The following C18orf63 variants were observed in gnomAD, a reference collection of about 807,000 sequenced individuals.
C18orf63 encodes the protein uncharacterized protein C18orf63.
Under a neutral mutation model 75.3 loss-of-function variants are expected in C18orf63, and 50 were observed. The observed-to-expected ratio is 0.66, with a 90% CI of 0.53 to 0.84. The LOEUF (loss-of-function observed/expected upper bound fraction) is 0.84, where lower values mean the gene tolerates loss of function less well. Ranked by LOEUF, C18orf63 falls within the 40% of genes least tolerant of loss-of-function variation. The pLI, the probability that C18orf63 is intolerant of heterozygous loss-of-function variation, is 0.00. For synonymous variants in C18orf63, 232 were observed against 267.6 expected (o/e 0.87, Z 1.30); for missense variants, 732 against 800.2 (o/e 0.91, Z 1.03).
chr18:74,341,674 G>A (rs933353861), intron 8 of C18orf63, among the ~76,000 whole-genome samples: 1 of 151,910 alleles, frequency 6.6e-6, no homozygotes, highest in African/African-American at 2.4e-5. Context: ...GCAACAGAGC[G>A]AGACACTGTC....
chr18:74,321,937 A>T (rs141961572), intron 3 of C18orf63, among the ~76,000 whole-genome samples: 1 of 152,210 alleles, frequency 6.6e-6, no homozygotes, highest in South Asian at 2.1e-4. Context: ...ATATCTTTCC[A>T]TGTCAGTACA....
rs1984811804 is a variant in C18orf63, at chr18:74,358,677, C to A, written c.*2230C>A. On this transcript the variant is annotated 3_prime_UTR_variant, in exon 14 of 14. Transcript: ENST00000579455. Reference sequence around the variant, plus strand: ...TTTTAGAACCATTTTAATTTTAAAACCATAAGAAAATAATTTTATGTTTGC... The same window carrying A: ...TTTTAGAACCATTTTAATTTTAAAAACATAAGAAAATAATTTTATGTTTGC... 2 of 152,074 alleles carry A rather than the reference C, an allele frequency of 1.3e-5. No homozygotes were observed. Among genetic ancestry groups the A allele is most frequent in the South Asian group, 4.1e-4 (2 of 4,822 alleles). 9.4% of individuals were successfully genotyped at this position (152,074 alleles called of 1,614,324 possible).
At chr18:74,319,678 T>C (rs17806521) in intron 2 of C18orf63, among the ~76,000 whole-genome samples, 5,555 of 152,252 alleles carry the variant, frequency 0.036, 198 homozygotes, top group East Asian at 0.19. Flanking sequence ...AATGTTTAAG[T>C]GGTTGGTAAC....
chr18:74,356,035 T>C (rs1054642706), intron 13 of C18orf63, among the ~76,000 whole-genome samples: 2 of 151,890 alleles, frequency 1.3e-5, no homozygotes, highest in Non-Finnish European at 2.9e-5. Context: ...CCAGCCTGAA[T>C]GACAAAGTGA....
At chr18:74,340,050 T>A (rs1984454038) in intron 8 of C18orf63, among the ~76,000 whole-genome samples, 1 of 152,120 alleles carries the variant, frequency 6.6e-6, no homozygotes, top group African/African-American at 2.4e-5. Context: ...AAGGAAACAG[T>A]CAACAGAGTG....
chr18:74,352,522 A>T (rs758383307), intron 11 of C18orf63, among the ~76,000 whole-genome samples: 3 of 152,184 alleles, frequency 2.0e-5, no homozygotes, highest in Non-Finnish European at 4.4e-5. Flanking sequence ...CTGAATTGCT[A>T]CCACGTACCA....
chr18:74,350,079 G>T (rs912595010), intron 11 of C18orf63, among the ~76,000 whole-genome samples: 4 of 152,160 alleles, frequency 2.6e-5, no homozygotes, highest in African/African-American at 9.7e-5. Context: ...TGTGGGGTGT[G>T]GGGGTAGGAG....
intron 11 of C18orf63, among the ~76,000 whole-genome samples, chr18:74,351,019 A>G (rs534062065): frequency 1.3e-5 from 2 of 152,290 alleles, no homozygotes; most frequent in South Asian, 4.1e-4. Context: ...TGTTGCTTAT[A>G]AACTACCTAC....
At chr18:74,332,208 C>T (rs891822178) in intron 7 of C18orf63, among the ~76,000 whole-genome samples, 9 of 152,150 alleles carry the variant, frequency 5.9e-5, no homozygotes, top group Admixed American at 5.9e-4. Flanking sequence ...CTTTCAGGGT[C>T]TCTCTGCTGA....
Position 74,346,230 on chromosome 18 carries a change from C to G in C18orf63, c.978+2528C>G, listed in dbSNP as rs192805749. On this transcript the variant is annotated intron_variant, in intron 11 of 13. Coordinates refer to ENST00000579455, the MANE Select transcript of C18orf63 (RefSeq NM_001174123.2). ...ATGGGAATTTTCTAGCTATCTTTTT[C>G]TTATGTTTCTGGCTTAAATACATTA... is the stretch of plus-strand genomic sequence containing the variant. Among the ~76,000 whole-genome samples the G allele has an allele frequency of 5.7e-3, 872 of 152,066 alleles. 6 individuals are homozygous for G. The highest frequency in any genetic ancestry group is 0.02 in the African/African-American group (833 of 41,514).
intron 7 of C18orf63, among the ~76,000 whole-genome samples, chr18:74,335,041 T>A (rs1984368951): frequency 6.6e-6 from 1 of 152,160 alleles, no homozygotes; most frequent in African/African-American, 2.4e-5. Flanking sequence ...GTCTCATCTC[T>A]CTTGGTGCTC....
At chr18:74,330,808 T>C (rs2145120260) in intron 6 of C18orf63, 58 bp from the exon 7 acceptor site, 1 of 658,690 alleles carries the variant, frequency 1.5e-6, no homozygotes, top group Non-Finnish European at 2.5e-6. Context: ...CTAAAATACT[T>C]AATTTAATAG....
intron 7 of C18orf63, among the ~76,000 whole-genome samples, chr18:74,332,083 G>A (rs1440438911): frequency 1.3e-5 from 2 of 152,088 alleles, no homozygotes; most frequent in Non-Finnish European, 2.9e-5. Context: ...ATACTCTCCT[G>A]TACCAAACTG....
At chr18:74,334,525 G>GGTTTTTTGTTT (rs1340752389) in intron 7 of C18orf63, among the ~76,000 whole-genome samples, 1 of 152,038 alleles carries the variant, frequency 6.6e-6, no homozygotes, top group Non-Finnish European at 1.5e-5. Context: ...GGAAGGCAGG[G>GGTTTTTTGTTT]GTTTTTTGTT....
intron 7 of C18orf63, among the ~76,000 whole-genome samples, chr18:74,333,086 G>T (rs73970143): frequency 0.042 from 6,421 of 152,176 alleles, 422 homozygotes; most frequent in African/African-American, 0.14. Context: ...TGAGATACTG[G>T]CCCAACATGC....
chr18:74,328,158 G>C (rs1984240850), intron 5 of C18orf63, 100 bp downstream of exon 5: 1 of 704,260 alleles, frequency 1.4e-6, no homozygotes. Context: ...ACATACTGGA[G>C]ACTGGAAAAT....
Position 74,356,902 on chromosome 18 carries a change from A to T in C18orf63, c.*455A>T, listed in dbSNP as rs1012721993. On this transcript the variant is annotated 3_prime_UTR_variant, in exon 14 of 14. Coordinates refer to ENST00000579455, the MANE Select transcript of C18orf63 (RefSeq NM_001174123.2). ...ACTGTTTCATCTGTTCCTCACAGAC[A>T]TGCTTTTTTTTGCTATAATCTTTTA... The T allele has an allele frequency of 6.6e-6, 1 of 151,454 alleles. No homozygotes were observed. The highest frequency in any genetic ancestry group is 2.1e-4 in the South Asian group (1 of 4,826). 9.4% of individuals were successfully genotyped at this position (151,454 alleles called of 1,614,324 possible). A position where few individuals can be genotyped will look rare whatever the true frequency, so the allele number is the denominator to read the frequency against.
chr18:74,331,421 C>T (rs1175507622), intron 7 of C18orf63, among the ~76,000 whole-genome samples: 1 of 152,198 alleles, frequency 6.6e-6, no homozygotes, highest in African/African-American at 2.4e-5. Flanking sequence ...CCCATAGCAC[C>T]TAGCATAGAA....
chr18:74,328,903 C>T, intron 5 of C18orf63, 92 bp from the exon 6 acceptor site: 1 of 697,148 alleles, frequency 1.4e-6, no homozygotes, highest in South Asian at 1.8e-5. Context: ...TTTTCTTTAG[C>T]TTTGATAATC....
Sources: gnomAD v4.1 joint callset for allele counts (sites outside exome capture counted in the v4.1 genomes callset) on GRCh38, gnomAD v4.1.1 for gene constraint, MANE v1.5 for transcripts, NCBI Gene and HGNC (gene_info 2026-07-23, HGNC 2026-07-21) for gene names.